Variants in MARK1 observed in about 807,000 individuals in gnomAD.
MARK1 encodes the protein serine/threonine-protein kinase MARK1.
In MARK1, 40 loss-of-function variants were observed where a neutral mutation model predicts 96.3. That is an observed-to-expected ratio of 0.42 (90% confidence interval 0.32 to 0.54). MARK1 has a LOEUF of 0.54. Among genes scored for constraint, MARK1 ranks in the 20% least tolerant of loss-of-function variants. MARK1 has a pLI of 0.16. For synonymous variants in MARK1, 317 were observed against 341.2 expected (o/e 0.93, Z 0.78); for missense variants, 719 against 984.6 (o/e 0.73, Z 3.61).
At chr1:220,637,286 G>T (rs1159989706) in intron 13 of MARK1, among the ~76,000 whole-genome samples, 1 of 152,146 alleles carries the variant, frequency 6.6e-6, no homozygotes, top group Non-Finnish European at 1.5e-5. Flanking sequence ...TCAAAACTCT[G>T]AATAGTATCC....
rs538601440 is a variant in MARK1, at chr1:220,661,990, T to G, written c.2212T>G (p.Phe738Val). 1 of 1,614,160 alleles carries G rather than the reference T, an allele frequency of 6.2e-7. No homozygotes were observed. The highest frequency in any genetic ancestry group is 1.3e-5 in the African/African-American group (1 of 75,042). The change falls in exon 18 of 18, where the codon TTT (phenylalanine) becomes GTT (valine). Residue 738 changes from phenylalanine to valine, a missense_variant. This residue lies in a region of MARK1 where 501 missense variants were observed against 588.3 expected (regional missense o/e 0.85). Transcript: ENST00000366917. ...NNCDYEQKER[F>V]LLFCVHGDAR... ...CTGTGATTATGAGCAAAAAGAGAGA[T>G]TTTTGCTTTTCTGTGTCCATGGAGA...
Position 220,650,613 on chromosome 1 carries a change from C to G in MARK1, c.1471-7C>G, listed in dbSNP as rs772779944. 3.2e-6 allele frequency: 5 copies of G among 1,547,434 alleles called. No individual in the cohort carries two copies. The highest frequency in any genetic ancestry group is 2.7e-6 in the Non-Finnish European group (3 of 1,131,374). ...ATTTTTTAATTGCCTTTTTTTTATT[C>G]TTGAAGAACAATGTGTATTCTGGAG... On this transcript the variant is annotated splice_polypyrimidine_tract_variant and splice_region_variant and intron_variant, in intron 13 of 17. Coordinates refer to ENST00000366917, the MANE Select transcript of MARK1 (RefSeq NM_018650.5).
chr1:220,573,314 CTTTG>C (rs1663599715), intron 1 of MARK1, among the ~76,000 whole-genome samples: 2 of 151,838 alleles, frequency 1.3e-5, no homozygotes, highest in Admixed American at 1.3e-4. Flanking sequence ...ATCATAGAGG[CTTTG>C]TTTATTTATT....
At chr1:220,642,342 C>A (rs538364207) in intron 13 of MARK1, among the ~76,000 whole-genome samples, 1 of 152,198 alleles carries the variant, frequency 6.6e-6, no homozygotes, top group Admixed American at 6.5e-5. Flanking sequence ...TGTATTCCCC[C>A]ACAGCACAGC....
intron 9 of MARK1, chr1:220,626,624 C>T (rs970435605): frequency 2.8e-6 from 1 of 358,310 alleles, no homozygotes; most frequent in Non-Finnish European, 5.5e-6. Context: ...AAGTTTGACA[C>T]CAGCCTGGCC....
At chr1:220,600,779 A>G (rs2102910821) in intron 5 of MARK1, among the ~76,000 whole-genome samples, 1 of 152,324 alleles carries the variant, frequency 6.6e-6, no homozygotes, top group East Asian at 1.9e-4. Flanking sequence ...TTAGTTAATG[A>G]AATTTATAAT....
rs1440445303 is a variant in MARK1 at position 220,528,470 on chromosome 1, T to C, written c.-353T>C. ...GAGGCACCGGCTTCACCTTCACCCATGGTCCGGAGAGCCTAGCGGGGCTCG... is the reference window on the plus strand; with the variant it reads ...GAGGCACCGGCTTCACCTTCACCCACGGTCCGGAGAGCCTAGCGGGGCTCG... On this transcript the variant is annotated 5_prime_UTR_variant, in exon 1 of 18. It removes an upstream start codon present in the reference 5' UTR. Coordinates refer to ENST00000366917, the MANE Select transcript of MARK1 (RefSeq NM_018650.5). 4 of 305,234 alleles carry C rather than the reference T, an allele frequency of 1.3e-5. No homozygotes were observed. The highest frequency in any genetic ancestry group is 6.7e-5 in the South Asian group (1 of 14,994). The allele number at this position is 305,234 out of a possible 1,614,324, so 18.9% of individuals were successfully genotyped here. A position where few individuals can be genotyped will look rare whatever the true frequency, so the allele number is the denominator to read the frequency against.
intron 1 of MARK1, among the ~76,000 whole-genome samples, chr1:220,566,566 A>C (rs1427254443): frequency 6.6e-6 from 1 of 152,186 alleles, no homozygotes; most frequent in African/African-American, 2.4e-5. Context: ...GAGTGGATGT[A>C]AATACACTGT....
chr1:220,597,930 C>G (rs1485439024), intron 3 of MARK1, among the ~76,000 whole-genome samples: 3 of 152,152 alleles, frequency 2.0e-5, no homozygotes, highest in African/African-American at 7.2e-5. Flanking sequence ...TTTAAAGAGT[C>G]AAACCCCTAA....
chr1:220,642,508 G>C (rs1055997856), intron 13 of MARK1, among the ~76,000 whole-genome samples: 7 of 152,200 alleles, frequency 4.6e-5, no homozygotes, highest in South Asian at 2.1e-4. Context: ...AGCACCTGGG[G>C]GGAGGGGCAG....
At chr1:220,585,377 T>A (rs149322564) in intron 3 of MARK1, among the ~76,000 whole-genome samples, 1 of 152,278 alleles carries the variant, frequency 6.6e-6, no homozygotes, top group East Asian at 1.9e-4. Flanking sequence ...GTTTTAAAGG[T>A]GATACCAATA....
chr1:220,639,035 G>A (rs1668125967), intron 13 of MARK1, among the ~76,000 whole-genome samples: 1 of 152,124 alleles, frequency 6.6e-6, no homozygotes, highest in South Asian at 2.1e-4. Flanking sequence ...CTTGAGGCCA[G>A]GAGTTTGAGA....
rs1028052358 is a variant in MARK1, at chr1:220,586,086, G to T, written c.309+4968G>T. ...AAAAGTTGTCAAGGATGCAAAATACGTCTGTGAATATGCTATCCCTTTGTT... is the reference window on the plus strand; with the variant it reads ...AAAAGTTGTCAAGGATGCAAAATACTTCTGTGAATATGCTATCCCTTTGTT... On this transcript the variant is annotated intron_variant, in intron 3 of 17. Transcript: ENST00000366917. 2.0e-5 allele frequency among the ~76,000 whole-genome samples: 3 copies of T among 152,084 alleles called. No homozygotes were observed. In the East Asian group the frequency reaches 5.8e-4, roughly 29 times the overall value.
At position 220,653,946 on chromosome 1, in the gene MARK1, G is replaced by A. The variant is rs1046461262; in HGVS notation, c.1988+594G>A. Among the ~76,000 whole-genome samples, 3 of 152,194 alleles carry A rather than the reference G, an allele frequency of 2.0e-5. No homozygotes were observed. In the South Asian group the frequency reaches 6.2e-4, roughly 32 times the overall value. On this transcript the variant is annotated intron_variant, in intron 16 of 17. Coordinates refer to ENST00000366917, the MANE Select transcript of MARK1 (RefSeq NM_018650.5). ...TGCTTACTATGCATACGTGTACAGTGCACATTGATGATACAAGTTGCTACT... is the reference window on the plus strand; with the variant it reads ...TGCTTACTATGCATACGTGTACAGTACACATTGATGATACAAGTTGCTACT...
At chr1:220,580,940 T>C (rs1664198706) in intron 2 of MARK1, 125 bp from the exon 3 acceptor site, 1 of 370,520 alleles carries the variant, frequency 2.7e-6, no homozygotes, top group Non-Finnish European at 5.1e-6. Context: ...TATCTGATTA[T>C]GTGAACACCT....
intron 3 of MARK1, among the ~76,000 whole-genome samples, chr1:220,590,299 G>A (rs1664904043): frequency 6.6e-6 from 1 of 152,110 alleles, no homozygotes; most frequent in Non-Finnish European, 1.5e-5. Context: ...CTGCTAGTCG[G>A]GCCATCACAA....
intron 17 of MARK1, 65 bp downstream of exon 17, chr1:220,657,899 C>A: frequency 8.6e-7 from 1 of 1,160,262 alleles, no homozygotes; most frequent in Non-Finnish European, 1.2e-6. Flanking sequence ...TTTTGAAATA[C>A]TTACAGCACT....
chr1:220,609,935 G>C (rs1006964204), intron 6 of MARK1, among the ~76,000 whole-genome samples: 1 of 152,146 alleles, frequency 6.6e-6, no homozygotes, highest in Non-Finnish European at 1.5e-5. Flanking sequence ...AGTCTGATGG[G>C]CTTCCCTTTG....
At chr1:220,572,476 C>A (rs6668644) in intron 1 of MARK1, among the ~76,000 whole-genome samples, 2,357 of 152,332 alleles carry the variant, frequency 0.015, 34 homozygotes, top group Middle Eastern at 0.044. Context: ...CTCCCGACCT[C>A]AGGTGATCTG....
Sources: gnomAD v4.1 joint callset for allele counts (sites outside exome capture counted in the v4.1 genomes callset) on GRCh38, gnomAD v4.1.1 for gene constraint, gnomAD v4.1.1 regional missense constraint, MANE v1.5 for transcripts, NCBI Gene and HGNC (gene_info 2026-07-23, HGNC 2026-07-21) for gene names.